The following DPF3 variants were observed in gnomAD, a reference collection of about 807,000 sequenced individuals.
DPF3 encodes double PHD fingers 3, also known as zinc finger protein DPF3.
DPF3 carries 18 observed loss-of-function variants against 56.8 expected under a neutral mutation model. The observed-to-expected ratio is 0.32, with a 90% CI of 0.22 to 0.47. The LOEUF (loss-of-function observed/expected upper bound fraction) is 0.47. DPF3 is among the 20% of genes least tolerant of loss of function. The probability of loss-of-function intolerance (pLI) is 1.00; values close to 1 mark genes in which losing one functional copy is unlikely to be tolerated. For missense variants in DPF3, 403 were observed against 488.8 expected, an observed-to-expected ratio of 0.82 and a Z score of 1.65; for synonymous variants, 188 against 180.2, an observed-to-expected ratio of 1.04 and a Z score of -0.35.
At chr14:72,868,741 T>G (rs1466327155) in intron 1 of DPF3, among the ~76,000 whole-genome samples, 1 of 152,138 alleles carries the variant, frequency 6.6e-6, no homozygotes, top group East Asian at 1.9e-4. Flanking sequence ...AGCGAGGCAG[T>G]TAAAGGGAAA....
At chr14:72,881,922 GA>G (rs1886341247) in intron 1 of DPF3, among the ~76,000 whole-genome samples, 1 of 151,810 alleles carries the variant, frequency 6.6e-6, no homozygotes, top group African/African-American at 2.4e-5. Flanking sequence ...TTTGGAGAGG[GA>G]GAAAATGATG....
At position 72,753,284 on chromosome 14, in the gene DPF3, C is replaced by T. The variant is rs747604928; in HGVS notation, c.281G>A (p.Arg94Gln). The T allele has an allele frequency of 1.3e-5, 21 of 1,613,564 alleles. No homozygotes were observed. In the Admixed American group the frequency reaches 1.8e-4, roughly 14 times the overall value. The change falls in exon 3 of 11, where the codon CGG becomes CAG. Residue 94 changes from arginine to glutamine, a missense_variant. Arg to Gln is a conservative substitution (Grantham distance 43). Transcript: ENST00000556509. ...RLHPPEDPKL[R>Q]LLEIKPEVEL... is the part of the protein sequence containing the mutation. ...CTGACCAGGTTTTATCTCCAGCAGC[C>T]GCAGTTTTGGATCTTCAGGTGGGTG... is the stretch of plus-strand genomic sequence containing the variant.
rs189377329 is a variant in DPF3 at position 72,741,290 on chromosome 14, G to A, written c.302-9356C>T. ...CCCACACGCCTCTCAGAATAACCCC[G>A]CAAAATCACCATGACCCACATCTCA... On this transcript the variant is annotated intron_variant, in intron 3 of 10. Transcript: ENST00000556509. Among the ~76,000 whole-genome samples the A allele has an allele frequency of 2.6e-4, 39 of 152,214 alleles. No individual in the cohort carries two copies. The East Asian group carries it at 6.2e-3, about 24-fold the overall frequency.
intron 1 of DPF3, among the ~76,000 whole-genome samples, chr14:72,877,350 T>C (rs1886154435): frequency 6.6e-6 from 1 of 152,016 alleles, no homozygotes; most frequent in Admixed American, 6.5e-5. Context: ...TCCAGACCAG[T>C]TCCTCTGGGC....
chr14:72,864,303 C>T (rs1038828344), intron 1 of DPF3, among the ~76,000 whole-genome samples: 2 of 152,206 alleles, frequency 1.3e-5, no homozygotes, highest in African/African-American at 2.4e-5. Flanking sequence ...AGCCACCTCT[C>T]GCACCCCCTA....
chr14:72,626,320 G>A (rs542077290), intron 9 of DPF3, among the ~76,000 whole-genome samples: 1 of 152,134 alleles, frequency 6.6e-6, no homozygotes, highest in East Asian at 1.9e-4. Context: ...GACCCGTGTA[G>A]GTAACCAGTC....
intron 1 of DPF3, among the ~76,000 whole-genome samples, chr14:72,775,363 T>C (rs1447653289): frequency 2.0e-5 from 3 of 152,218 alleles, no homozygotes; most frequent in Non-Finnish European, 4.4e-5. Context: ...TGTCCTAATA[T>C]GCTAGTAACT....
intron 2 of DPF3, among the ~76,000 whole-genome samples, chr14:72,769,103 A>C (rs1460721223): frequency 6.6e-6 from 1 of 152,188 alleles, no homozygotes; most frequent in African/African-American, 2.4e-5. Flanking sequence ...GTATCAACAT[A>C]ATTTCATAAT....
At chr14:72,876,034 G>T (rs1245925642) in intron 1 of DPF3, among the ~76,000 whole-genome samples, 2 of 123,288 alleles carry the variant, frequency 1.6e-5, no homozygotes, top group Non-Finnish European at 3.3e-5. Flanking sequence ...TTTATTGGTT[G>T]TTGTTGAAGA....
chr14:72,789,637 CACCTACTTAGCT>C (rs1015827941), intron 1 of DPF3, among the ~76,000 whole-genome samples: 8 of 152,198 alleles, frequency 5.3e-5, no homozygotes, highest in Non-Finnish European at 1.2e-4. Context: ...TCAAGCAATT[CACCTACTTAGCT>C]ACCCCAGTAG....
chr14:72,841,592 G>T (rs1014753867), intron 1 of DPF3, among the ~76,000 whole-genome samples: 1 of 152,078 alleles, frequency 6.6e-6, no homozygotes, highest in Non-Finnish European at 1.5e-5. Flanking sequence ...GAAAAAAAAT[G>T]AGAAATTTTG....
intron 6 of DPF3, among the ~76,000 whole-genome samples, chr14:72,712,733 G>T (rs2153575494): frequency 6.6e-6 from 1 of 152,274 alleles, no homozygotes; most frequent in South Asian, 2.1e-4. Flanking sequence ...CAAGCATAGT[G>T]GCATGGGCCT....
At position 72,611,522 on chromosome 14, in the gene DPF3, A is replaced by T. The variant is rs989214053; in HGVS notation, c.*7775T>A. On this transcript the variant is annotated 3_prime_UTR_variant, in exon 11 of 11. Coordinates refer to ENST00000556509, the MANE Select transcript of DPF3 (RefSeq NM_001280542.3). Reference sequence around the variant, plus strand: ...CTGTACTTGAAGCCCCCACCCCCCCAGTCCCGCTCTCTGCTTTCTCTAGCA... The same window carrying T: ...CTGTACTTGAAGCCCCCACCCCCCCTGTCCCGCTCTCTGCTTTCTCTAGCA... Among the ~76,000 whole-genome samples the T allele has an allele frequency of 1.3e-5, 2 of 149,556 alleles. No individual in the cohort carries two copies. The highest frequency in any genetic ancestry group is 3.0e-5 in the Non-Finnish European group (2 of 67,440).
intron 8 of DPF3, among the ~76,000 whole-genome samples, chr14:72,633,460 A>T (rs1885278008): frequency 6.6e-6 from 1 of 152,180 alleles, no homozygotes; most frequent in Non-Finnish European, 1.5e-5. Context: ...GTCCTCCAAG[A>T]TCAAAAGAAA....
chr14:72,728,191 C>T (rs1358257311), intron 4 of DPF3, among the ~76,000 whole-genome samples: 4 of 152,184 alleles, frequency 2.6e-5, no homozygotes, highest in Non-Finnish European at 5.9e-5. Context: ...AGATGACAGA[C>T]CTTGACTTCA....
chr14:72,815,391 G>A (rs1217392746), intron 1 of DPF3, among the ~76,000 whole-genome samples: 3 of 152,272 alleles, frequency 2.0e-5, no homozygotes, highest in Non-Finnish European at 4.4e-5. Context: ...GTGTGGGAAT[G>A]CTAACTGGTA....
chr14:72,649,755 T>G (rs938749070), intron 8 of DPF3, among the ~76,000 whole-genome samples: 1 of 152,156 alleles, frequency 6.6e-6, no homozygotes, highest in Non-Finnish European at 1.5e-5. Flanking sequence ...TATTTACCTC[T>G]TAAAACAATC....
chr14:72,804,293 T>C (rs1423016139), intron 1 of DPF3, among the ~76,000 whole-genome samples: 1 of 151,900 alleles, frequency 6.6e-6, no homozygotes, highest in Non-Finnish European at 1.5e-5. Flanking sequence ...CATCATCCTG[T>C]GACAGTGCTT....
rs557951051 is a variant in DPF3, at chr14:72,834,836, G to A, written c.32+59221C>T. Reference sequence around the variant, plus strand: ...GATGAATAGGTAAATCAAATGTGGCGTATTCATACAAGGGACTATTATTCA... The same window carrying A: ...GATGAATAGGTAAATCAAATGTGGCATATTCATACAAGGGACTATTATTCA... On this transcript the variant is annotated intron_variant, in intron 1 of 10. Coordinates refer to ENST00000556509, the MANE Select transcript of DPF3 (RefSeq NM_001280542.3). 1.8e-4 allele frequency among the ~76,000 whole-genome samples: 27 copies of A among 152,262 alleles called. No individual in the cohort carries two copies. In the South Asian group the frequency reaches 4.2e-3, roughly 23 times the overall value.
Sources: gnomAD v4.1 joint callset for allele counts (sites outside exome capture counted in the v4.1 genomes callset) on GRCh38, gnomAD v4.1.1 for gene constraint, MANE v1.5 for transcripts, NCBI Gene and HGNC (gene_info 2026-07-23, HGNC 2026-07-21) for gene names.